Variants in HMCN2 observed in about 807,000 individuals in gnomAD.
HMCN2 encodes the protein hemicentin 2.
A neutral mutation model predicts 377.5 loss-of-function variants in HMCN2; 325 were observed. The observed-to-expected ratio is 0.86, with a 90% confidence interval of 0.79 to 0.94. HMCN2 has a LOEUF of 0.94. Among genes scored for constraint, HMCN2 ranks in the 40% least tolerant of loss-of-function variants. The pLI, the probability that HMCN2 is intolerant of heterozygous loss-of-function variation, is 0.00. For synonymous variants in HMCN2, 2,007 were observed against 2,046.8 expected, an observed-to-expected ratio of 0.98 and a Z score of 0.53; for missense variants, 4,543 against 4,725.3, an observed-to-expected ratio of 0.96 and a Z score of 1.13.
chr9:130,400,878 AC>A lies in HMCN2; in HGVS notation c.11703del (p.Val3902CysfsTer10), dbSNP rs1409077783. The A allele has an allele frequency of 7.8e-7, 1 of 1,289,446 alleles. No individual in the cohort carries two copies. The highest frequency in any genetic ancestry group is 1.2e-5 in the South Asian group (1 of 80,944). The allele number at this position is 1,289,446 out of a possible 1,614,324, so 79.9% of individuals were successfully genotyped here. On this transcript the variant is annotated frameshift_variant, in exon 77 of 98. Transcript: ENST00000683500. LOFTEE classifies it high-confidence loss of function. ...TCACAGCACGGGTATACCAGCTCCG[AC>A]CGTGTCCTGGAGCAAGGCAGGCGCC... is the stretch of plus-strand genomic sequence containing the variant. ...TCHSTGIPAP[T>X]VSWSKAGAQL...
intron 40 of HMCN2, among the ~76,000 whole-genome samples, chr9:130,364,294 T>C (rs1304531564): frequency 6.6e-6 from 1 of 152,176 alleles, no homozygotes; most frequent in East Asian, 1.9e-4. Flanking sequence ...ACCCCATGAG[T>C]TCTCCCCCTG....
At chr9:130,379,067 A>G (rs1214759084) in intron 53 of HMCN2, among the ~76,000 whole-genome samples, 182 bp from the exon 54 acceptor site, 1 of 152,148 alleles carries the variant, frequency 6.6e-6, no homozygotes, top group East Asian at 1.9e-4. Context: ...CCCAGCACAT[A>G]CTAGTTGCTC....
Position 130,379,332 on chromosome 9 carries a change from A to G in HMCN2, c.8296A>G (p.Thr2766Ala). ...SREEEARGGV[T>A]EYREIVENNP... Reference sequence around the variant, plus strand: ...GGAGGAGGAGGCCCGGGGCGGAGTCACGGAATACAGGGAGATCGTGGAGAA... The same window carrying G: ...GGAGGAGGAGGCCCGGGGCGGAGTCGCGGAATACAGGGAGATCGTGGAGAA... Residue 2766 changes from threonine to alanine, a missense_variant, in exon 54 of 98, where the codon ACG becomes GCG. By Grantham distance (58) the Thr-to-Ala change is moderately conservative. Coordinates refer to ENST00000683500, the MANE Select transcript of HMCN2 (RefSeq NM_001291815.2). 1.0e-6 allele frequency: 1 copy of G among 985,722 alleles called. No homozygotes were observed. The highest frequency in any genetic ancestry group is 1.2e-6 in the Non-Finnish European group (1 of 829,936). 61.1% of individuals were successfully genotyped at this position (985,722 alleles called of 1,614,324 possible).
rs112968607 is a variant in HMCN2 at position 130,351,817 on chromosome 9, A to T, written c.4585+240A>T. 0.27 allele frequency among the ~76,000 whole-genome samples: 40,529 copies of T among 150,644 alleles called. 5,725 individuals carry two copies. The highest frequency in any genetic ancestry group is 0.41 in the East Asian group (2,081 of 5,104). On this transcript the variant is annotated intron_variant, in intron 30 of 97. Coordinates refer to ENST00000683500, the MANE Select transcript of HMCN2 (RefSeq NM_001291815.2). The surrounding 1 kb of genome is among the most constrained non-coding windows in gnomAD (Gnocchi z 5.4). The stretch of plus-strand genomic sequence containing the variant: ...TCCCAGCTCTAAAAATTTACTACTT[A>T]TGTTTTTTTTTTGAGATGAATTCTC...
chr9:130,350,758 T>C (rs1228435766), intron 29 of HMCN2, among the ~76,000 whole-genome samples: 2 of 151,204 alleles, frequency 1.3e-5, no homozygotes, highest in Admixed American at 6.6e-5. Context: ...TATACGGGCA[T>C]GGTGGCGGTA....
At position 130,418,803 on chromosome 9, in the gene HMCN2, C is replaced by T; in HGVS notation, c.12993C>T (p.Asp4331=). The T allele has an allele frequency of 6.7e-7, 1 of 1,493,550 alleles. No homozygotes were observed. The highest frequency in any genetic ancestry group is 9.0e-7 in the Non-Finnish European group (1 of 1,113,888). 92.5% of individuals were successfully genotyped at this position (1,493,550 alleles called of 1,614,324 possible). The change falls in exon 86 of 98, where the codon GAC becomes GAT. Residue 4331 remains aspartate (D), a synonymous_variant. Coordinates refer to ENST00000683500, the MANE Select transcript of HMCN2 (RefSeq NM_001291815.2). ...SAPVFQVEPQ[D]MTVRSGDDVA... ...CGGTGTTCCAGGTGGAGCCCCAGGACATGACAGTGAGATCTGGGGATGACG... is the reference window on the plus strand; with the variant it reads ...CGGTGTTCCAGGTGGAGCCCCAGGATATGACAGTGAGATCTGGGGATGACG...
At position 130,394,539 on chromosome 9, in the gene HMCN2, C is replaced by T. The variant is rs1383819886; in HGVS notation, c.10656C>T (p.Ser3552=). ...CCCTGACCAGGCTGGAGAACAACAG[C>T]AGAGCCACACGGGTGCTCCGGGTGG... ...GQALTRLENN[S]RATRVLRVEN... is the part of the protein sequence containing the mutation. The change falls in exon 69 of 98, where the codon AGC becomes AGT. Residue 3552 remains serine, a synonymous_variant. Coordinates refer to ENST00000683500, the MANE Select transcript of HMCN2 (RefSeq NM_001291815.2). The surrounding 1 kb of genome is among the most constrained non-coding windows in gnomAD (Gnocchi z 5.1). 1 of 1,289,478 alleles carries T rather than the reference C, an allele frequency of 7.8e-7. No homozygotes were observed. Among genetic ancestry groups the T allele is most frequent in the African/African-American group, 1.5e-5 (1 of 65,990 alleles). 79.9% of individuals were successfully genotyped at this position (1,289,478 alleles called of 1,614,324 possible). A position where few individuals can be genotyped will look rare whatever the true frequency, so the allele number is the denominator to read the frequency against.
chr9:130,391,393 G>C, intron 64 of HMCN2, 30 bp downstream of exon 64: 1 of 987,798 alleles, frequency 1.0e-6, no homozygotes, highest in Non-Finnish European at 1.2e-6. Context: ...CTCCCCAGAG[G>C]CGGTAGGGCC....
In HMCN2 at chr9:130,357,863, G is replaced by A. The variant is rs1465073449; in HGVS notation, c.5455G>A (p.Glu1819Lys). 1 of 1,304,084 alleles carries A rather than the reference G, an allele frequency of 7.7e-7. No homozygotes were observed. The highest frequency in any genetic ancestry group is 1.0e-6 in the Non-Finnish European group (1 of 988,846). 80.8% of individuals were successfully genotyped at this position (1,304,084 alleles called of 1,614,324 possible). Reference sequence around the variant, plus strand: ...CCCATCGGTCAGTATCATTGGGGGTGAGAACATCACAGCTCCTTTCCTGCA... The same window carrying A: ...CCCATCGGTCAGTATCATTGGGGGTAAGAACATCACAGCTCCTTTCCTGCA... ...EFPSVSIIGG[E>K]NITAPFLQPV... The change falls in exon 35 of 98, where the codon GAG (glutamate) becomes AAG (lysine). Residue 1819 changes from glutamate to lysine, a missense_variant. Glu to Lys is a moderately conservative substitution (Grantham distance 56, BLOSUM62 1). Transcript: ENST00000683500.
chr9:130,393,280 C>T lies in HMCN2; in HGVS notation c.10205C>T (p.Ala3402Val), dbSNP rs964913377. Residue 3402 changes from alanine to valine, a missense_variant, in exon 67 of 98, where the codon GCG becomes GTG. Coordinates refer to ENST00000683500, the MANE Select transcript of HMCN2 (RefSeq NM_001291815.2). The surrounding 1 kb of genome is among the most constrained non-coding windows in gnomAD (Gnocchi z 5.2). ...TCVAASPAGV[A>V]DRNFTLQVQV... ...GTGGCCGCAAGCCCAGCTGGCGTGGCGGACAGGAACTTCACCTTGCAGGTG... is the reference window on the plus strand; with the variant it reads ...GTGGCCGCAAGCCCAGCTGGCGTGGTGGACAGGAACTTCACCTTGCAGGTG... 1.4e-5 allele frequency: 14 copies of T among 988,458 alleles called. No homozygotes were observed. The highest frequency in any genetic ancestry group is 4.7e-5 in the South Asian group (1 of 21,386). The allele number at this position is 988,458 out of a possible 1,614,324, so 61.2% of individuals were successfully genotyped here.
intron 15 of HMCN2, among the ~76,000 whole-genome samples, chr9:130,311,334 G>T (rs1360186338): frequency 6.6e-6 from 1 of 152,200 alleles, no homozygotes; most frequent in Non-Finnish European, 1.5e-5. Flanking sequence ...GTCTGGCCTG[G>T]GGGGGTTGTG....
At chr9:130,281,611 A>C (rs4837488) in intron 1 of HMCN2, among the ~76,000 whole-genome samples, 117,217 of 150,512 alleles carry the variant, frequency 0.78, 45,952 homozygotes, top group East Asian at 0.89. Context: ...AAAAAAAAGG[A>C]CTGGCGCACT....
intron 15 of HMCN2, among the ~76,000 whole-genome samples, chr9:130,314,178 A>C (rs1837420021): frequency 6.6e-6 from 1 of 152,270 alleles, no homozygotes; most frequent in South Asian, 2.1e-4. Flanking sequence ...GCTGGGGAAC[A>C]GGAGATGTGC....
intron 89 of HMCN2, among the ~76,000 whole-genome samples, 158 bp downstream of exon 89, chr9:130,425,288 G>A (rs1233708025): frequency 6.6e-6 from 1 of 152,186 alleles, no homozygotes; most frequent in African/African-American, 2.4e-5. Context: ...AGGATGAGCA[G>A]TTGTAACAGG....
At chr9:130,313,389 C>T (rs1177109732) in intron 15 of HMCN2, among the ~76,000 whole-genome samples, 1 of 145,916 alleles carries the variant, frequency 6.9e-6, no homozygotes, top group Non-Finnish European at 1.6e-5. Flanking sequence ...GGTGGATTAC[C>T]TTCCGAGCCT....
At chr9:130,312,913 G>C (rs1417967686) in intron 15 of HMCN2, among the ~76,000 whole-genome samples, 1 of 151,992 alleles carries the variant, frequency 6.6e-6, no homozygotes, top group Non-Finnish European at 1.5e-5. Context: ...ACCCGCCTCG[G>C]CCTCCCAAAG....
chr9:130,292,210 TGAG>T (rs1554930302), intron 4 of HMCN2, among the ~76,000 whole-genome samples: 1 of 152,186 alleles, frequency 6.6e-6, no homozygotes, highest in African/African-American at 2.4e-5. Context: ...GATGACTGGG[TGAG>T]GGTGGCGACA....
At chr9:130,333,453 C>T (rs1838534146) in intron 22 of HMCN2, among the ~76,000 whole-genome samples, 1 of 152,198 alleles carries the variant, frequency 6.6e-6, no homozygotes, top group Non-Finnish European at 1.5e-5. Flanking sequence ...TTGCTTCTCC[C>T]CACCACTCTG....
intron 83 of HMCN2, among the ~76,000 whole-genome samples, chr9:130,407,953 T>A (rs1338740975): frequency 6.6e-6 from 1 of 152,214 alleles, no homozygotes; most frequent in Non-Finnish European, 1.5e-5. Flanking sequence ...CGACCCTGGC[T>A]GCAGGTAGAA....
Sources: gnomAD v4.1 joint callset for allele counts (sites outside exome capture counted in the v4.1 genomes callset) on GRCh38, gnomAD v4.1.1 for gene constraint, Gnocchi (gnomAD v3.1) non-coding constraint, MANE v1.5 for transcripts, NCBI Gene and HGNC (gene_info 2026-07-23, HGNC 2026-07-21) for gene names.